The following GRM7 variants were observed in gnomAD, a reference collection of about 807,000 sequenced individuals.
The protein encoded by GRM7 is glutamate metabotropic receptor 7, also known as metabotropic glutamate receptor 7.
GRM7 carries 35 observed loss-of-function variants against 84.5 expected under a neutral mutation model. That is an observed-to-expected ratio of 0.41 (90% CI 0.32 to 0.55). The LOEUF is 0.55. GRM7 is among the 20% of genes least tolerant of loss of function. The pLI, the probability that GRM7 is intolerant of heterozygous loss-of-function variation, is 0.19. For missense variants in GRM7, 1,003 were observed against 1,194.6 expected, an observed-to-expected ratio of 0.84 and a Z score of 2.36; for synonymous variants, 487 against 455.1, an observed-to-expected ratio of 1.07 and a Z score of -0.89.
intron 2 of GRM7, among the ~76,000 whole-genome samples, chr3:7,152,025 T>C (rs1694302519): frequency 6.6e-6 from 1 of 152,198 alleles, no homozygotes; most frequent in South Asian, 2.1e-4. Context: ...AGCTTAAATA[T>C]AGATACTAAA....
chr3:7,411,457 C>G (rs1437695437), intron 4 of GRM7, among the ~76,000 whole-genome samples: 1 of 152,176 alleles, frequency 6.6e-6, no homozygotes, highest in Non-Finnish European at 1.5e-5. Flanking sequence ...TCTGTCTCCT[C>G]TCTTGTACCA....
At chr3:7,617,416 A>G (rs1419429005) in intron 8 of GRM7, among the ~76,000 whole-genome samples, 3 of 152,162 alleles carry the variant, frequency 2.0e-5, no homozygotes, top group Admixed American at 6.6e-5. Context: ...TGTCTTGCAG[A>G]AAAGGGAAAC....
At chr3:7,218,000 G>T (rs1047654247) in intron 2 of GRM7, among the ~76,000 whole-genome samples, 3 of 151,760 alleles carry the variant, frequency 2.0e-5, no homozygotes, top group African/African-American at 7.3e-5. Flanking sequence ...TACATATGTT[G>T]TATGGCTCTA....
chr3:7,184,273 AT>A (rs1470066328), intron 2 of GRM7, among the ~76,000 whole-genome samples: 1 of 152,130 alleles, frequency 6.6e-6, no homozygotes, highest in Non-Finnish European at 1.5e-5. Flanking sequence ...TTTAGTTTCC[AT>A]TTATTCTTTC....
intron 4 of GRM7, among the ~76,000 whole-genome samples, chr3:7,355,791 A>C (rs576218685): frequency 6.6e-6 from 1 of 152,268 alleles, no homozygotes; most frequent in Non-Finnish European, 1.5e-5. Flanking sequence ...AGTTACATGA[A>C]GAAGTGGCCC....
chr3:7,397,608 C>G (rs2125152511), intron 4 of GRM7, among the ~76,000 whole-genome samples: 1 of 152,194 alleles, frequency 6.6e-6, no homozygotes. Flanking sequence ...AATGCACACT[C>G]CAATTACCCT....
intron 7 of GRM7, among the ~76,000 whole-genome samples, chr3:7,544,886 T>G (rs1391023532): frequency 6.6e-6 from 1 of 152,226 alleles, no homozygotes; most frequent in African/African-American, 2.4e-5. Flanking sequence ...CATTGTAAGT[T>G]CTAAAAATTT....
intron 7 of GRM7, among the ~76,000 whole-genome samples, chr3:7,491,283 A>C (rs1196508762): frequency 6.6e-6 from 1 of 152,064 alleles, no homozygotes; most frequent in Non-Finnish European, 1.5e-5. Flanking sequence ...AAATACAAAA[A>C]ATAAAGAGAG....
chr3:7,563,862 G>T (rs1203326468), intron 7 of GRM7, among the ~76,000 whole-genome samples: 1 of 152,196 alleles, frequency 6.6e-6, no homozygotes, highest in Non-Finnish European at 1.5e-5. Context: ...GTCATTGTGA[G>T]CTGCTGTTTT....
chr3:7,350,110 A>G (rs760751457), intron 4 of GRM7, among the ~76,000 whole-genome samples: 18 of 152,088 alleles, frequency 1.2e-4, no homozygotes, highest in Non-Finnish European at 1.9e-4. Context: ...ACATAAGGAC[A>G]ATGTTGTTTT....
Position 7,666,072 on chromosome 3 carries a change from T to C in GRM7, c.2452-13977T>C, listed in dbSNP as rs1251760682. Among the ~76,000 whole-genome samples, 3 of 152,172 alleles carry C rather than the reference T, an allele frequency of 2.0e-5. No homozygotes were observed. In the East Asian group the frequency reaches 5.8e-4, roughly 29 times the overall value. ...AATCTATGACCGCAATGATAATTAC[T>C]GATGATTATATATACTGTGAATGAA... On this transcript the variant is annotated intron_variant, in intron 8 of 9. Coordinates refer to ENST00000357716, the MANE Select transcript of GRM7 (RefSeq NM_000844.4).
chr3:7,062,003 G>C (rs1697447782), intron 1 of GRM7, among the ~76,000 whole-genome samples: 1 of 151,654 alleles, frequency 6.6e-6, no homozygotes, highest in Non-Finnish European at 1.5e-5. Flanking sequence ...GGCTTTGCTT[G>C]TGTTTCACCA....
At chr3:7,543,796 A>C (rs1002356246) in intron 7 of GRM7, among the ~76,000 whole-genome samples, 1 of 152,210 alleles carries the variant, frequency 6.6e-6, no homozygotes, top group African/African-American at 2.4e-5. Flanking sequence ...GCCTCAAGGG[A>C]CAGAAAACAA....
At chr3:7,726,097 T>G (rs1421554172) in intron 9 of GRM7, among the ~76,000 whole-genome samples, 1 of 152,152 alleles carries the variant, frequency 6.6e-6, no homozygotes, top group East Asian at 1.9e-4. Context: ...TAATTAATAA[T>G]GAGTCAGAAT....
intron 2 of GRM7, among the ~76,000 whole-genome samples, chr3:7,168,188 A>G (rs1445939752): frequency 2.6e-5 from 4 of 152,012 alleles, no homozygotes; most frequent in African/African-American, 9.7e-5. Flanking sequence ...CTTTTCGTAG[A>G]AAACACTTAG....
chr3:7,108,972 T>A (rs1692751555), intron 1 of GRM7, among the ~76,000 whole-genome samples: 1 of 151,992 alleles, frequency 6.6e-6, no homozygotes, highest in Non-Finnish European at 1.5e-5. Context: ...TTTCCCAGAG[T>A]AATGTTAAGT....
intron 1 of GRM7, among the ~76,000 whole-genome samples, chr3:7,133,258 AT>A (rs1199011317): frequency 2.5e-4 from 38 of 152,172 alleles, no homozygotes; most frequent in Admixed American, 2.5e-3. Flanking sequence ...TTTTATTTTC[AT>A]TTTGTGACTA....
intron 1 of GRM7, among the ~76,000 whole-genome samples, chr3:7,029,314 AC>A (rs375396284): frequency 2.7e-4 from 30 of 110,176 alleles, no homozygotes; most frequent in African/African-American, 6.2e-4. Context: ...AAAAAAAAAA[AC>A]AAAAAAAAAA....
intron 1 of GRM7, among the ~76,000 whole-genome samples, chr3:6,896,005 G>C (rs1696169162): frequency 6.6e-6 from 1 of 152,060 alleles, no homozygotes; most frequent in Admixed American, 6.6e-5. Flanking sequence ...AGTCTATAAT[G>C]AATGCACCCA....
Sources: allele counts gnomAD v4.1 joint callset (sites outside exome capture counted in the v4.1 genomes callset), GRCh38; gene constraint gnomAD v4.1.1; transcripts MANE v1.5; gene names NCBI Gene and HGNC (gene_info 2026-07-23, HGNC 2026-07-21).